The following XRN1 variants were observed in gnomAD, a reference collection of about 807,000 sequenced individuals.
XRN1 encodes 5'-3' exoribonuclease 1, also known as strand-exchange protein 1 homolog.
XRN1 carries 67 observed loss-of-function variants against 222.3 expected under a neutral mutation model. The ratio of observed to expected loss-of-function variants is 0.30; its 90% confidence interval spans 0.25 to 0.37. The LOEUF is 0.37. Ranked by LOEUF, XRN1 falls within the 10% of genes least tolerant of loss-of-function variation. The pLI is 1.00. For synonymous variants in XRN1, 643 were observed against 652.4 expected (o/e 0.99, Z 0.22); for missense variants, 1,707 against 2,000.2 (o/e 0.85, Z 2.80).
chr3:142,328,746 T>C (rs2065604589), intron 37 of XRN1, among the ~76,000 whole-genome samples: 1 of 64,238 alleles, frequency 1.6e-5, no homozygotes, highest in African/African-American at 8.1e-5. Context: ...TATATATATA[T>C]ATATATATAT....
intron 1 of XRN1, among the ~76,000 whole-genome samples, chr3:142,446,816 A>G (rs2070524324): frequency 6.6e-6 from 1 of 152,198 alleles, no homozygotes; most frequent in Non-Finnish European, 1.5e-5. Context: ...AACTTTTTGT[A>G]GTCTATTTCT....
At position 142,423,627 on chromosome 3, in the gene XRN1, T is replaced by C. The variant is rs1344239247; in HGVS notation, c.643A>G (p.Thr215Ala). Residue 215 changes from threonine (T) to alanine (A), a missense_variant, in exon 6 of 41, where the codon ACA (threonine) becomes GCA (alanine). By Grantham distance (58) the Thr-to-Ala change is moderately conservative. This residue lies in a region of XRN1 where 1,234 missense variants were observed against 1,518.2 expected (regional missense o/e 0.81). Coordinates refer to ENST00000392981, the MANE Select transcript of XRN1 (RefSeq NM_001282857.2). ...LDADLIMLGLTSHEAHFSLLR... is the reference protein window; with the variant it reads ...LDADLIMLGLASHEAHFSLLR... The stretch of plus-strand genomic sequence containing the variant: ...AGAGAAAAATGTGCCTCATGACTTG[T>C]TAATCCAAGCATAATCTGTTGAAAA... 2 of 1,593,684 alleles carry C rather than the reference T, an allele frequency of 1.3e-6. No individual in the cohort carries two copies. The highest frequency in any genetic ancestry group is 3.6e-5 in the Admixed American group (2 of 55,768).
chr3:142,412,216 G>A (rs1159879307), intron 15 of XRN1, among the ~76,000 whole-genome samples: 2 of 152,062 alleles, frequency 1.3e-5, no homozygotes, highest in African/African-American at 2.4e-5. Context: ...TTTGCTTCAT[G>A]TATTTTAGGT....
chr3:142,380,084 G>C lies in XRN1; in HGVS notation c.2713C>G (p.His905Asp). Residue 905 changes from histidine to aspartate, a missense_variant and splice_region_variant, in exon 23 of 41, where the codon CAT (histidine) becomes GAT (aspartate). This residue lies in a region of XRN1 where 1,234 missense variants were observed against 1,518.2 expected (regional missense o/e 0.81). Transcript: ENST00000392981. ...ACAATACAAACTACTGTACTCACAT[G>C]CTGGTTCTGTATTAAAGCATCAAGA... ...PNLDALIQNQHKYSIKYNPGY... is the reference protein window; with the variant it reads ...PNLDALIQNQDKYSIKYNPGY... 6.2e-7 allele frequency: 1 copy of C among 1,612,426 alleles called. No homozygotes were observed. Among genetic ancestry groups the C allele is most frequent in the African/African-American group, 1.3e-5 (1 of 74,954 alleles).
intron 1 of XRN1, among the ~76,000 whole-genome samples, chr3:142,440,844 G>A (rs1342527839): frequency 6.6e-6 from 1 of 152,166 alleles, no homozygotes; most frequent in African/African-American, 2.4e-5. Context: ...GTTTGCCTTT[G>A]AAGAGCCTTC....
At chr3:142,399,038 A>G (rs2068029961) in intron 19 of XRN1, among the ~76,000 whole-genome samples, 1 of 152,096 alleles carries the variant, frequency 6.6e-6, no homozygotes, top group South Asian at 2.1e-4. Context: ...AACAATGATG[A>G]GAGAAATCAA....
intron 3 of XRN1, 70 bp from the exon 4 acceptor site, chr3:142,425,608 A>G (rs2069214691): frequency 7.7e-7 from 1 of 1,303,968 alleles, no homozygotes; most frequent in Non-Finnish European, 1.1e-6. Flanking sequence ...GTGACAACAC[A>G]TAACTGAATC....
chr3:142,392,960 A>G (rs1333195868), intron 20 of XRN1, among the ~76,000 whole-genome samples: 2 of 149,568 alleles, frequency 1.3e-5, no homozygotes, highest in African/African-American at 2.5e-5. Flanking sequence ...AAGTGTTCCT[A>G]TTTCTCCACA....
chr3:142,329,585 T>A lies in XRN1; in HGVS notation c.4253A>T (p.Asn1418Ile). 6.4e-7 allele frequency: 1 copy of A among 1,558,014 alleles called. No homozygotes were observed. The highest frequency in any genetic ancestry group is 8.6e-7 in the Non-Finnish European group (1 of 1,159,460). Reference sequence around the variant, plus strand: ...CATAGACTGAACATTATGGTACTCATTAGCACTGTGAGGCTTGTTCATATA... The same window carrying A: ...CATAGACTGAACATTATGGTACTCAATAGCACTGTGAGGCTTGTTCATATA... Reference protein sequence around the residue: ...ASYMNKPHSANEYHNVQSMDN... With the variant: ...ASYMNKPHSAIEYHNVQSMDN... Residue 1418 changes from asparagine to isoleucine, a missense_variant, in exon 37 of 41, where the codon AAT becomes ATT. This residue lies in a region of XRN1 where 473 missense variants were observed against 482.0 expected (regional missense o/e 0.98). Coordinates refer to ENST00000392981, the MANE Select transcript of XRN1 (RefSeq NM_001282857.2).
At position 142,447,757 on chromosome 3, in the gene XRN1, T is replaced by G. The variant is rs1577476948; in HGVS notation, c.75+113A>C. On this transcript the variant is annotated intron_variant, in intron 1 of 40. Transcript: ENST00000392981. The surrounding 1 kb of genome is among the most constrained non-coding windows in gnomAD (Gnocchi z 4.2). The stretch of plus-strand genomic sequence containing the variant: ...CCGTCCCCCTCCCTAATGCCACTAA[T>G]CGTCCAGACGACGAGGGGAAAGAGG... 1 of 1,252,226 alleles carries G rather than the reference T, an allele frequency of 8.0e-7. No homozygotes were observed. Among genetic ancestry groups the G allele is most frequent in the East Asian group, 2.4e-5 (1 of 42,314 alleles). 77.6% of individuals were successfully genotyped at this position (1,252,226 alleles called of 1,614,324 possible).
At chr3:142,315,347 A>G (rs1023940724) in intron 39 of XRN1, among the ~76,000 whole-genome samples, 1 of 151,918 alleles carries the variant, frequency 6.6e-6, no homozygotes, top group African/African-American at 2.4e-5. Context: ...TTCTTGAGAT[A>G]GGCCTTCCAA....
intron 15 of XRN1, among the ~76,000 whole-genome samples, chr3:142,408,508 G>A (rs1035854555): frequency 1.3e-5 from 2 of 152,078 alleles, no homozygotes; most frequent in African/African-American, 2.4e-5. Flanking sequence ...TTCTATTTGC[G>A]GCATCAGATT....
At chr3:142,363,520 T>C (rs1414070204) in intron 29 of XRN1, among the ~76,000 whole-genome samples, 1 of 152,184 alleles carries the variant, frequency 6.6e-6, no homozygotes, top group Non-Finnish European at 1.5e-5. Flanking sequence ...CATCTTCATA[T>C]TAATTCACAC....
At chr3:142,325,640 GT>G (rs372262098) in intron 37 of XRN1, among the ~76,000 whole-genome samples, 522 of 152,026 alleles carry the variant, frequency 3.4e-3, no homozygotes, top group Non-Finnish European at 6.0e-3. Context: ...TTTGTTGATT[GT>G]TTCCTTTGTT....
intron 37 of XRN1, among the ~76,000 whole-genome samples, chr3:142,325,973 T>G (rs563695977): frequency 6.6e-6 from 1 of 152,256 alleles, no homozygotes; most frequent in African/African-American, 2.4e-5. Flanking sequence ...ATAAGTTGAC[T>G]GTAACTGTGT....
At chr3:142,353,929 C>A (rs1479562629) in intron 32 of XRN1, among the ~76,000 whole-genome samples, 5 of 151,966 alleles carry the variant, frequency 3.3e-5, no homozygotes, top group African/African-American at 7.3e-5. Context: ...GTGCATCTGA[C>A]AAAGGTCTAA....
At chr3:142,415,970 T>G (rs2068769738) in intron 13 of XRN1, among the ~76,000 whole-genome samples, 1 of 151,932 alleles carries the variant, frequency 6.6e-6, no homozygotes, top group Non-Finnish European at 1.5e-5. Flanking sequence ...TAAAAGCAAA[T>G]AATTGGGAGG....
chr3:142,333,443 A>T (rs2065760499), intron 34 of XRN1, among the ~76,000 whole-genome samples: 2 of 152,186 alleles, frequency 1.3e-5, no homozygotes, highest in Admixed American at 6.5e-5. Context: ...GTTGCAAAAA[A>T]ATTTTATGTG....
At chr3:142,433,854 T>G (rs1042682673) in intron 1 of XRN1, among the ~76,000 whole-genome samples, 1 of 152,228 alleles carries the variant, frequency 6.6e-6, no homozygotes, top group Non-Finnish European at 1.5e-5. Flanking sequence ...AACAATATAT[T>G]TTCCTGCTAC....
Sources: gnomAD v4.1 joint callset for allele counts (sites outside exome capture counted in the v4.1 genomes callset) on GRCh38, gnomAD v4.1.1 for gene constraint, gnomAD v4.1.1 regional missense constraint, Gnocchi (gnomAD v3.1) non-coding constraint, MANE v1.5 for transcripts, NCBI Gene and HGNC (gene_info 2026-07-23, HGNC 2026-07-21) for gene names.